The following CCDC68 variants were observed in gnomAD, a reference collection of about 807,000 sequenced individuals.
CCDC68 encodes the protein coiled-coil domain containing 68, also known as coiled-coil domain-containing protein 68.
CCDC68 carries 45 observed loss-of-function variants against 47.1 expected under a neutral mutation model. The ratio of observed to expected loss-of-function variants is 0.96; its 90% CI spans 0.75 to 1.23. The LOEUF is 1.23. CCDC68 is among the 50% of genes most tolerant of loss of function. CCDC68 has a pLI of 0.00. For synonymous variants in CCDC68, 131 were observed against 129.5 expected (o/e 1.01, Z -0.08); for missense variants, 353 against 373.6 (o/e 0.94, Z 0.45).
rs1474025186 is a variant in CCDC68, at chr18:54,934,958, G to A, written c.472-10C>T. 1.9e-6 allele frequency: 3 copies of A among 1,569,890 alleles called. No homozygotes were observed. The highest frequency in any genetic ancestry group is 2.6e-6 in the Non-Finnish European group (3 of 1,162,480). On this transcript the variant is annotated splice_polypyrimidine_tract_variant and intron_variant, in intron 6 of 11. Transcript: ENST00000591504. ...TTTCAAGCTTGTTAACCTATGGTCA[G>A]AGAATCAGTTGTGTTGTGAAAACTC...
At position 54,928,812 on chromosome 18, in the gene CCDC68, G is replaced by A. The variant is rs1296959952; in HGVS notation, c.671C>T (p.Thr224Ile). 3 of 1,610,022 alleles carry A rather than the reference G, an allele frequency of 1.9e-6. No individual in the cohort carries two copies. Among genetic ancestry groups the A allele is most frequent in the Admixed American group, 1.7e-5 (1 of 60,002 alleles). The change falls in exon 8 of 12, where the codon ACA (threonine) becomes ATA (isoleucine). Residue 224 changes from threonine to isoleucine, a missense_variant. Transcript: ENST00000591504. ...TAGCTTCACAAACCTTTTTCCATAT[G>A]TAGCACTGGATTTGAGTTGCAGTAG... ...NKLLQLKSSA[T>I]YGKSCQDLQR...
At chr18:54,917,814 C>T (rs1459431704) in intron 10 of CCDC68, 99 bp downstream of exon 10, 1 of 730,508 alleles carries the variant, frequency 1.4e-6, no homozygotes, top group Non-Finnish European at 2.4e-6. Flanking sequence ...CACAGGCTCA[C>T]TGATACTGAT....
chr18:54,947,236 A>T (rs942708086), intron 1 of CCDC68, among the ~76,000 whole-genome samples: 1 of 152,236 alleles, frequency 6.6e-6, no homozygotes, highest in African/African-American at 2.4e-5. Context: ...GTCTTATGCT[A>T]GAATGGATTG....
chr18:54,944,502 T>C (rs996642910), intron 2 of CCDC68, among the ~76,000 whole-genome samples: 2 of 152,054 alleles, frequency 1.3e-5, no homozygotes, highest in East Asian at 1.9e-4. Context: ...TTGAAACTTA[T>C]CAAAAATGTT....
chr18:54,935,657 G>A (rs1012220568), intron 6 of CCDC68, among the ~76,000 whole-genome samples: 6 of 152,042 alleles, frequency 3.9e-5, no homozygotes, highest in Non-Finnish European at 8.8e-5. Context: ...ACCCTCATCC[G>A]CTTCCCGCTT....
intron 10 of CCDC68, among the ~76,000 whole-genome samples, chr18:54,911,046 C>T (rs1167377632): frequency 1.3e-5 from 2 of 152,194 alleles, no homozygotes; most frequent in Admixed American, 1.3e-4. Context: ...GCCCTTGCCA[C>T]GCCTCCCTGC....
At chr18:54,917,235 G>C (rs868550723) in intron 10 of CCDC68, among the ~76,000 whole-genome samples, 53 of 152,184 alleles carry the variant, frequency 3.5e-4, no homozygotes, top group African/African-American at 1.2e-3. Context: ...CAGGCTTCTA[G>C]AAGTAGGTAA....
intron 1 of CCDC68, among the ~76,000 whole-genome samples, chr18:54,951,099 G>A (rs1379321255): frequency 1.3e-5 from 2 of 150,374 alleles, no homozygotes; most frequent in African/African-American, 2.5e-5. Flanking sequence ...TAGTAGAGAC[G>A]GGGTTTCACC....
chr18:54,928,556 A>G (rs79070921), intron 8 of CCDC68, among the ~76,000 whole-genome samples: 2,128 of 152,284 alleles, frequency 0.014, 48 homozygotes, highest in African/African-American at 0.047. Context: ...ACCTTCCTGC[A>G]GGGTTCCCTG....
chr18:54,944,402 G>A (rs1307241829), intron 2 of CCDC68, among the ~76,000 whole-genome samples: 1 of 152,192 alleles, frequency 6.6e-6, no homozygotes, highest in East Asian at 1.9e-4. Flanking sequence ...CATAGTCTGA[G>A]ATATCTGGTC....
intron 1 of CCDC68, among the ~76,000 whole-genome samples, chr18:54,950,801 T>TATATATATATATATATATATATATATGA (rs2044602515): frequency 1.1e-5 from 1 of 87,530 alleles, no homozygotes; most frequent in Non-Finnish European, 2.3e-5. Context: ...TATATATATA[T>TATATATATATATATATATATATATATGA]ATGATGCAAT....
rs373148060 is a variant in CCDC68, at chr18:54,917,930, T to C, written c.856A>G (p.Asn286Asp). 1.9e-6 allele frequency: 3 copies of C among 1,577,314 alleles called. No individual in the cohort carries two copies. Among genetic ancestry groups the C allele is most frequent in the Non-Finnish European group, 2.6e-6 (3 of 1,149,624 alleles). ...CTCCTTACCTGGGCTTCAAGTATGT[T>C]AACCTTTTCTCTGAGATTTTCAATT... is the stretch of plus-strand genomic sequence containing the variant. ...KRIENLREKV[N>D]ILEAQNKELK... Residue 286 changes from asparagine (N) to aspartate (D), a missense_variant, in exon 10 of 12, where the codon AAC (asparagine) becomes GAC (aspartate). By Grantham distance (23) the Asn-to-Asp change is conservative. Coordinates refer to ENST00000591504, the MANE Select transcript of CCDC68 (RefSeq NM_025214.3).
At chr18:54,906,406 G>A (rs544944689) in intron 11 of CCDC68, among the ~76,000 whole-genome samples, 79 of 152,100 alleles carry the variant, frequency 5.2e-4, no homozygotes, top group Non-Finnish European at 8.7e-4. Context: ...TAGCTAAAGC[G>A]TTGGCCAAAA....
At chr18:54,953,066 A>G (rs986933826) in intron 1 of CCDC68, among the ~76,000 whole-genome samples, 1 of 152,228 alleles carries the variant, frequency 6.6e-6, no homozygotes, top group Non-Finnish European at 1.5e-5. Flanking sequence ...GATAAGTGTC[A>G]AATGCATCAT....
chr18:54,907,442 C>T (rs1486357954), intron 11 of CCDC68, among the ~76,000 whole-genome samples: 3 of 151,908 alleles, frequency 2.0e-5, no homozygotes, highest in South Asian at 2.1e-4. Flanking sequence ...TTAAAATGTC[C>T]ATCAATGGCA....
chr18:54,954,929 C>T (rs2044686504), intron 1 of CCDC68, among the ~76,000 whole-genome samples: 1 of 152,084 alleles, frequency 6.6e-6, no homozygotes, highest in Non-Finnish European at 1.5e-5. Context: ...CAAATGAAGA[C>T]ATTCAGCTTT....
intron 10 of CCDC68, among the ~76,000 whole-genome samples, chr18:54,917,595 T>C (rs1191345646): frequency 6.6e-6 from 1 of 152,154 alleles, no homozygotes; most frequent in Admixed American, 6.5e-5. Context: ...TGTTAAATTG[T>C]CAGTCCTTTT....
chr18:54,951,151 G>A (rs1458809125), intron 1 of CCDC68, among the ~76,000 whole-genome samples: 2 of 151,606 alleles, frequency 1.3e-5, no homozygotes, highest in East Asian at 2.0e-4. Context: ...CTCGTGATCC[G>A]CCCGCCTCGG....
intron 3 of CCDC68, among the ~76,000 whole-genome samples, chr18:54,941,525 G>C (rs977703702): frequency 6.6e-6 from 1 of 151,690 alleles, no homozygotes; most frequent in South Asian, 2.1e-4. Context: ...AATTACTACA[G>C]AATAATTACT....
Sources: gnomAD v4.1 joint callset for allele counts (sites outside exome capture counted in the v4.1 genomes callset) on GRCh38, gnomAD v4.1.1 for gene constraint, MANE v1.5 for transcripts, NCBI Gene and HGNC (gene_info 2026-07-23, HGNC 2026-07-21) for gene names.